SORCS3: variants seen among roughly 807,000 people sequenced by gnomAD.
SORCS3 encodes sortilin related VPS10 domain containing receptor 3.
Under a neutral mutation model 146.3 loss-of-function variants are expected in SORCS3, and 57 were observed. That is an observed-to-expected ratio of 0.39 (90% CI 0.31 to 0.49). The LOEUF (loss-of-function observed/expected upper bound fraction) is 0.49. Among genes scored for constraint, SORCS3 ranks in the 20% least tolerant of loss-of-function variants. SORCS3 has a pLI of 0.92. For synonymous variants in SORCS3, 653 were observed against 618.5 expected, an observed-to-expected ratio of 1.06 and a Z score of -0.83; for missense variants, 1,341 against 1,575.5, an observed-to-expected ratio of 0.85 and a Z score of 2.52.
At chr10:105,045,037 A>AG (rs1554871950) in intron 5 of SORCS3, among the ~76,000 whole-genome samples, 50 of 128,846 alleles carry the variant, frequency 3.9e-4, no homozygotes, top group African/African-American at 8.9e-4. Flanking sequence ...AAAAAAAAAA[A>AG]AAAAGAAAGA....
chr10:104,866,187 A>G (rs148616604), intron 2 of SORCS3, among the ~76,000 whole-genome samples: 66 of 152,352 alleles, frequency 4.3e-4, no homozygotes, highest in Non-Finnish European at 7.2e-4. Flanking sequence ...AAGTCTGAAC[A>G]AGAAGAAATG....
chr10:105,103,127 G>A lies in SORCS3; in HGVS notation c.1094-2270G>A, dbSNP rs374435846. On this transcript the variant is annotated intron_variant, in intron 6 of 26. Coordinates refer to ENST00000369701, the MANE Select transcript of SORCS3 (RefSeq NM_014978.3). Reference sequence around the variant, plus strand: ...TTAGCTTTTCTTAGAGACTCAGAATGTCTTCTTTTTGCATATGAATTCTGT... The same window carrying A: ...TTAGCTTTTCTTAGAGACTCAGAATATCTTCTTTTTGCATATGAATTCTGT... Among the ~76,000 whole-genome samples, 5 of 152,152 alleles carry A rather than the reference G, an allele frequency of 3.3e-5. No homozygotes were observed. In the South Asian group the frequency reaches 1.0e-3, roughly 32 times the overall value.
intron 1 of SORCS3, among the ~76,000 whole-genome samples, chr10:104,656,094 C>T (rs1042448470): frequency 6.6e-6 from 1 of 152,104 alleles, no homozygotes; most frequent in Non-Finnish European, 1.5e-5. Flanking sequence ...AGGTACATGA[C>T]AACACTAGGG....
chr10:105,161,703 C>T (rs1296415297), intron 11 of SORCS3, among the ~76,000 whole-genome samples: 1 of 152,150 alleles, frequency 6.6e-6, no homozygotes, highest in Non-Finnish European at 1.5e-5. Context: ...TTACAGCATC[C>T]AAAGCTTGCT....
intron 1 of SORCS3, among the ~76,000 whole-genome samples, chr10:104,655,264 G>T (rs61861249): frequency 6.6e-6 from 1 of 150,934 alleles, no homozygotes; most frequent in Non-Finnish European, 1.5e-5. Context: ...AAAAAAAAAG[G>T]AGTAGTTTTA....
intron 4 of SORCS3, among the ~76,000 whole-genome samples, chr10:105,033,906 A>C (rs922804472): frequency 6.6e-6 from 1 of 152,192 alleles, no homozygotes; most frequent in Non-Finnish European, 1.5e-5. Flanking sequence ...AAAAGGAAGG[A>C]GGATTTTTTT....
At chr10:104,793,567 G>A (rs1006789958) in intron 1 of SORCS3, among the ~76,000 whole-genome samples, 1 of 152,138 alleles carries the variant, frequency 6.6e-6, no homozygotes, top group African/African-American at 2.4e-5. Context: ...TACAGGGGAT[G>A]GGATTGTTAG....
chr10:105,248,484 C>T (rs776575164), intron 22 of SORCS3, among the ~76,000 whole-genome samples: 22 of 152,162 alleles, frequency 1.4e-4, no homozygotes, highest in Admixed American at 3.3e-4. Context: ...GAGGCCGAGG[C>T]GGGTGTATCA....
intron 12 of SORCS3, 118 bp downstream of exon 12, chr10:105,164,497 G>A (rs538445996): frequency 7.4e-6 from 6 of 808,194 alleles, no homozygotes; most frequent in South Asian, 4.6e-5. Context: ...AACATTTGAA[G>A]CAGCTGTTCA....
intron 11 of SORCS3, among the ~76,000 whole-genome samples, chr10:105,162,559 C>G (rs557447454): frequency 2.0e-5 from 3 of 152,134 alleles, no homozygotes; most frequent in Non-Finnish European, 4.4e-5. Context: ...CTTTTCTGTC[C>G]CTTCATCTGG....
chr10:105,156,666 C>T lies in SORCS3; in HGVS notation c.1483-472C>T, dbSNP rs1298399575. 2.0e-5 allele frequency among the ~76,000 whole-genome samples: 3 copies of T among 152,164 alleles called. No homozygotes were observed. The East Asian group carries it at 5.8e-4, about 29-fold the overall frequency. ...GGCATGGAAAGAGACAGATGCCAGG[C>T]CTCCAAGCTGGATCATCTGCCCCAG... On this transcript the variant is annotated intron_variant, in intron 9 of 26. Transcript: ENST00000369701.
intron 3 of SORCS3, among the ~76,000 whole-genome samples, chr10:104,945,465 G>A (rs1693861291): frequency 6.6e-6 from 1 of 151,690 alleles, no homozygotes; most frequent in Non-Finnish European, 1.5e-5. Flanking sequence ...CACCATGTTG[G>A]CCAGGCTGGT....
chr10:104,764,896 T>G (rs2017161976), intron 1 of SORCS3, among the ~76,000 whole-genome samples: 1 of 152,216 alleles, frequency 6.6e-6, no homozygotes, highest in Admixed American at 6.5e-5. Flanking sequence ...TATCTGGTAG[T>G]CAACTCTGAT....
At chr10:105,092,499 G>A (rs1300713599) in intron 6 of SORCS3, among the ~76,000 whole-genome samples, 9 of 151,470 alleles carry the variant, frequency 5.9e-5, no homozygotes, top group Admixed American at 6.6e-5. Flanking sequence ...AGTACACATC[G>A]CAAAACTGCC....
chr10:105,023,434 G>A (rs1398813640), intron 4 of SORCS3, among the ~76,000 whole-genome samples: 1 of 152,176 alleles, frequency 6.6e-6, no homozygotes, highest in Non-Finnish European at 1.5e-5. Flanking sequence ...AATGGTTGGA[G>A]GGTGGAGAAC....
intron 2 of SORCS3, among the ~76,000 whole-genome samples, chr10:104,907,375 C>T (rs2018916978): frequency 6.6e-6 from 1 of 152,114 alleles, no homozygotes; most frequent in Non-Finnish European, 1.5e-5. Flanking sequence ...TATAACAACT[C>T]ACCATCCTAT....
intron 7 of SORCS3, among the ~76,000 whole-genome samples, chr10:105,134,586 T>C (rs984552909): frequency 6.6e-5 from 10 of 151,656 alleles, no homozygotes; most frequent in Non-Finnish European, 1.2e-4. Flanking sequence ...CCTAGCTAGT[T>C]TTCTCCAGCC....
At chr10:104,684,838 GAC>G (rs1233582997) in intron 1 of SORCS3, among the ~76,000 whole-genome samples, 16 of 97,156 alleles carry the variant, frequency 1.6e-4, no homozygotes, top group Non-Finnish European at 7.6e-5. Flanking sequence ...TTTTTTATGA[GAC>G]ACAGTCTCAC....
At chr10:105,039,365 A>G (rs74155099) in intron 4 of SORCS3, among the ~76,000 whole-genome samples, 2,221 of 152,144 alleles carry the variant, frequency 0.015, 47 homozygotes, top group African/African-American at 0.05. Flanking sequence ...GTCAAACTGA[A>G]GAGCTGAAAA....
Sources: allele counts gnomAD v4.1 joint callset (sites outside exome capture counted in the v4.1 genomes callset), GRCh38; gene constraint gnomAD v4.1.1; transcripts MANE v1.5; gene names NCBI Gene and HGNC (gene_info 2026-07-23, HGNC 2026-07-21).